Variants in LAMA3 observed in about 807,000 individuals in gnomAD.
LAMA3 encodes the protein laminin subunit alpha 3, also known as laminin subunit alpha-3.
LAMA3 carries 281 observed loss-of-function variants against 402.0 expected under a neutral mutation model. That is an observed-to-expected ratio of 0.70 (90% CI 0.63 to 0.77). The LOEUF is 0.77. Among genes scored for constraint, LAMA3 ranks in the 30% least tolerant of loss-of-function variants. The pLI is 0.00. For synonymous variants in LAMA3, 1,431 were observed against 1,558.4 expected (o/e 0.92, Z 1.93); for missense variants, 3,840 against 4,215.5 (o/e 0.91, Z 2.47).
At chr18:23,825,296 A>C (rs2063359942) in intron 21 of LAMA3, among the ~76,000 whole-genome samples, 2 of 152,230 alleles carry the variant, frequency 1.3e-5, no homozygotes, top group Non-Finnish European at 2.9e-5. Flanking sequence ...CCTCTTTGCT[A>C]TGTGCTTTAA....
intron 60 of LAMA3, among the ~76,000 whole-genome samples, chr18:23,917,716 C>T (rs554012991): frequency 6.6e-6 from 1 of 152,098 alleles, no homozygotes; most frequent in East Asian, 1.9e-4. Flanking sequence ...TTGGTTTTTG[C>T]TTGTTAATTA....
chr18:23,780,959 G>T (rs2062425264), intron 11 of LAMA3, among the ~76,000 whole-genome samples: 1 of 152,216 alleles, frequency 6.6e-6, no homozygotes. Context: ...AAGATAGGAA[G>T]CAGAGAGCCT....
chr18:23,752,308 C>A (rs912241015), intron 5 of LAMA3, among the ~76,000 whole-genome samples: 1 of 151,992 alleles, frequency 6.6e-6, no homozygotes, highest in African/African-American at 2.4e-5. Flanking sequence ...ATGTACCCTA[C>A]CAATTTTTTT....
At chr18:23,833,030 G>A (rs1445654347) in intron 23 of LAMA3, among the ~76,000 whole-genome samples, 4 of 152,232 alleles carry the variant, frequency 2.6e-5, no homozygotes, top group Admixed American at 6.5e-5. Flanking sequence ...GGAGGACACC[G>A]AGGCATACAG....
chr18:23,806,317 T>G (rs1448030767), intron 12 of LAMA3, among the ~76,000 whole-genome samples: 1 of 152,220 alleles, frequency 6.6e-6, no homozygotes, highest in Non-Finnish European at 1.5e-5. Flanking sequence ...CTGTTTAAAT[T>G]GGAAAAATCA....
Position 23,847,447 on chromosome 18 carries a change from C to A in LAMA3, c.3932-17C>A. ...GGCCTTTGACCCTCACATGGTATTT[C>A]TTTATCCCCTGGCCAGCGTGCAGCT... On this transcript the variant is annotated splice_polypyrimidine_tract_variant and intron_variant, in intron 31 of 74. Coordinates refer to ENST00000313654, the MANE Select transcript of LAMA3 (RefSeq NM_198129.4). The A allele has an allele frequency of 6.2e-7, 1 of 1,607,668 alleles. No individual in the cohort carries two copies. Among genetic ancestry groups the A allele is most frequent in the Non-Finnish European group, 8.5e-7 (1 of 1,179,964 alleles).
chr18:23,834,985 G>A (rs1254956173), intron 24 of LAMA3: 1 of 152,162 alleles, frequency 6.6e-6, no homozygotes, highest in Non-Finnish European at 1.5e-5. Flanking sequence ...AACCAAAGAA[G>A]GTAATTGTAT....
At chr18:23,820,049 C>T (rs1362933678) in intron 19 of LAMA3, 52 bp downstream of exon 19, 1 of 1,584,394 alleles carries the variant, frequency 6.3e-7, no homozygotes, top group Non-Finnish European at 8.7e-7. Flanking sequence ...AGATACTTCC[C>T]CACACCAGTC....
At chr18:23,707,437 ACAAT>A (rs2060910729) in intron 1 of LAMA3, among the ~76,000 whole-genome samples, 1 of 152,234 alleles carries the variant, frequency 6.6e-6, no homozygotes, top group Admixed American at 6.5e-5. Flanking sequence ...AACAAAGCAA[ACAAT>A]CAAGTCAGTC....
At chr18:23,803,043 T>G (rs530665132) in intron 12 of LAMA3, among the ~76,000 whole-genome samples, 6 of 152,342 alleles carry the variant, frequency 3.9e-5, no homozygotes, top group African/African-American at 1.4e-4. Context: ...CCATTTGTTG[T>G]GAAGCGAGTT....
intron 38 of LAMA3, among the ~76,000 whole-genome samples, chr18:23,875,723 G>T (rs1349685567): frequency 1.3e-5 from 2 of 152,196 alleles, no homozygotes; most frequent in Non-Finnish European, 2.9e-5. Flanking sequence ...AAAACGGCTA[G>T]CCAAAGATAA....
At chr18:23,895,176 C>T (rs2080838088) in intron 44 of LAMA3, 118 bp downstream of exon 44, 10 of 1,174,208 alleles carry the variant, frequency 8.5e-6, no homozygotes, top group Non-Finnish European at 9.8e-6. Flanking sequence ...GTCCTCCTTC[C>T]TCTGATCCAA....
At position 23,707,828 on chromosome 18, in the gene LAMA3, C is replaced by T. The variant is rs576813287; in HGVS notation, c.295-6092C>T. Among the ~76,000 whole-genome samples the T allele has an allele frequency of 1.2e-3, 183 of 151,704 alleles. 1 individual carries two copies. In the South Asian group the frequency reaches 0.019, roughly 15 times the overall value. On this transcript the variant is annotated intron_variant, in intron 1 of 74. Transcript: ENST00000313654. ...GTGGTGCAATTTCAGCTCACTGCAA[C>T]CTTCACCTCCCAGGCTCAAGCAATT...
At chr18:23,902,041 G>A (rs1186414334) in intron 48 of LAMA3, among the ~76,000 whole-genome samples, 1 of 152,226 alleles carries the variant, frequency 6.6e-6, no homozygotes, top group African/African-American at 2.4e-5. Flanking sequence ...AAAACAATGA[G>A]GCCAGGTGCA....
Position 23,932,120 on chromosome 18 carries a change from C to T in LAMA3, c.8577-40C>T, listed in dbSNP as rs183893941. ...GCCACATGGCAAGGGCCCTTTTTTC[C>T]AGCAGTTCTCACCCATGATTTGCTT... On this transcript the variant is annotated intron_variant, in intron 65 of 74. Coordinates refer to ENST00000313654, the MANE Select transcript of LAMA3 (RefSeq NM_198129.4). The T allele has an allele frequency of 3.5e-4, 564 of 1,612,346 alleles. 2 individuals are homozygous for T. In the African/African-American group the frequency reaches 5.8e-3, roughly 16 times the overall value.
chr18:23,929,750 T>A (rs1411018408), intron 64 of LAMA3, among the ~76,000 whole-genome samples: 1 of 152,204 alleles, frequency 6.6e-6, no homozygotes, highest in Non-Finnish European at 1.5e-5. Context: ...TGCTAACACT[T>A]AGACTATAGG....
At chr18:23,864,664 T>A (rs2064307981) in intron 35 of LAMA3, 121 bp from the exon 36 acceptor site, 1 of 719,400 alleles carries the variant, frequency 1.4e-6, no homozygotes, top group South Asian at 1.5e-5. Context: ...ATACAACCCT[T>A]GTTACCAGGT....
At chr18:23,788,516 T>C (rs1435417004) in intron 12 of LAMA3, among the ~76,000 whole-genome samples, 1 of 151,696 alleles carries the variant, frequency 6.6e-6, no homozygotes, top group Non-Finnish European at 1.5e-5. Flanking sequence ...ACATGAGATA[T>C]ACAGAAAATA....
intron 34 of LAMA3, 100 bp from the exon 35 acceptor site, chr18:23,861,546 A>G: frequency 7.4e-7 from 1 of 1,353,484 alleles, no homozygotes. Flanking sequence ...TGAGGCAAGG[A>G]GGCTGCCCGT....
Sources: gnomAD v4.1 joint callset for allele counts (sites outside exome capture counted in the v4.1 genomes callset) on GRCh38, gnomAD v4.1.1 for gene constraint, MANE v1.5 for transcripts, NCBI Gene and HGNC (gene_info 2026-07-23, HGNC 2026-07-21) for gene names.